The following RBFOX1 variants were observed in gnomAD, a reference collection of about 807,000 sequenced individuals.
RBFOX1 encodes the protein RNA binding protein fox-1 homolog 1.
Under a neutral mutation model 57.7 loss-of-function variants are expected in RBFOX1, and 8 were observed. The observed-to-expected ratio is 0.14, with a 90% CI of 0.08 to 0.25. The LOEUF (loss-of-function observed/expected upper bound fraction) is 0.25, where lower values mean the gene tolerates loss of function less well. Among genes scored for constraint, RBFOX1 ranks in the 10% least tolerant of loss-of-function variants. RBFOX1 has a pLI of 1.00. For synonymous variants in RBFOX1, 326 were observed against 222.4 expected (o/e 1.47, Z -4.15); for missense variants, 611 against 548.5 (o/e 1.11, Z -1.14).
At chr16:6,661,253 C>G (rs550081957) in intron 3 of RBFOX1, among the ~76,000 whole-genome samples, 1 of 152,286 alleles carries the variant, frequency 6.6e-6, no homozygotes, top group South Asian at 2.1e-4. Flanking sequence ...AAAGCTAACT[C>G]TCAGTGGGTT....
chr16:7,690,203 C>T (rs564311151), intron 14 of RBFOX1, among the ~76,000 whole-genome samples: 4 of 152,240 alleles, frequency 2.6e-5, no homozygotes, highest in Non-Finnish European at 5.9e-5. Context: ...GCAGAAACCT[C>T]AGGAATGGGC....
chr16:6,867,801 C>A (rs531273046), intron 3 of RBFOX1, among the ~76,000 whole-genome samples: 4 of 152,166 alleles, frequency 2.6e-5, no homozygotes, highest in Non-Finnish European at 4.4e-5. Flanking sequence ...CAGAACAAGT[C>A]CTGTTTATCC....
intron 4 of RBFOX1, among the ~76,000 whole-genome samples, chr16:5,952,759 T>C (rs971691133): frequency 6.6e-6 from 1 of 152,160 alleles, no homozygotes; most frequent in Non-Finnish European, 1.5e-5. Flanking sequence ...CAGAAATGAT[T>C]TGTGTGGGTG....
intron 1 of RBFOX1, among the ~76,000 whole-genome samples, chr16:6,172,321 A>C (rs2096967205): frequency 1.3e-5 from 2 of 152,186 alleles, no homozygotes; most frequent in African/African-American, 2.4e-5. Flanking sequence ...CTGGTGGGAA[A>C]GAAGGGAAAG....
At chr16:7,130,861 G>C (rs2070136762) in intron 4 of RBFOX1, among the ~76,000 whole-genome samples, 1 of 152,244 alleles carries the variant, frequency 6.6e-6, no homozygotes, top group South Asian at 2.1e-4. Context: ...AGGCAATCCT[G>C]GGGTGCCATC....
chr16:6,405,142 A>T (rs1596686900), intron 2 of RBFOX1, among the ~76,000 whole-genome samples: 2 of 152,168 alleles, frequency 1.3e-5, no homozygotes, highest in South Asian at 4.1e-4. Flanking sequence ...ACTCTATAAC[A>T]TAGAAATGTC....
intron 2 of RBFOX1, among the ~76,000 whole-genome samples, chr16:6,562,872 C>CTTTA (rs1319403281): frequency 4.1e-5 from 2 of 49,266 alleles, no homozygotes; most frequent in Non-Finnish European, 6.8e-5. Flanking sequence ...TTCTTTCTTT[C>CTTTA]TTTCTTTCTT....
At chr16:7,313,048 C>T (rs1024441413) in intron 4 of RBFOX1, among the ~76,000 whole-genome samples, 6 of 152,074 alleles carry the variant, frequency 3.9e-5, no homozygotes, top group African/African-American at 1.4e-4. Flanking sequence ...GTGTTCCCCA[C>T]TGCTGCTCTT....
chr16:5,935,327 A>G (rs2152255220), intron 4 of RBFOX1, among the ~76,000 whole-genome samples: 1 of 152,340 alleles, frequency 6.6e-6, no homozygotes, highest in Non-Finnish European at 1.5e-5. Flanking sequence ...ACATGGGGAC[A>G]CACGAGGATC....
chr16:7,072,894 G>A (rs1265637434), intron 4 of RBFOX1, among the ~76,000 whole-genome samples: 3 of 152,204 alleles, frequency 2.0e-5, no homozygotes, highest in African/African-American at 7.2e-5. Flanking sequence ...TGAGGAAGTA[G>A]CTGGAATTTG....
chr16:6,892,643 C>T (rs1228055439), intron 3 of RBFOX1, among the ~76,000 whole-genome samples: 1 of 152,038 alleles, frequency 6.6e-6, no homozygotes, highest in Non-Finnish European at 1.5e-5. Context: ...GTACTCCAGC[C>T]TGGGCAACAG....
At chr16:5,735,774 G>A (rs1258382484) in intron 3 of RBFOX1, among the ~76,000 whole-genome samples, 1 of 152,140 alleles carries the variant, frequency 6.6e-6, no homozygotes, top group Non-Finnish European at 1.5e-5. Context: ...TACTCTGGAG[G>A]CTGAAGCAGG....
chr16:6,970,287 C>T (rs541706240), intron 3 of RBFOX1, among the ~76,000 whole-genome samples: 2 of 152,156 alleles, frequency 1.3e-5, no homozygotes, highest in Non-Finnish European at 2.9e-5. Flanking sequence ...AATGACCCAA[C>T]AACATCATCA....
intron 2 of RBFOX1, among the ~76,000 whole-genome samples, chr16:5,588,569 C>A (rs1003950242): frequency 1.3e-5 from 2 of 152,140 alleles, no homozygotes; most frequent in Admixed American, 6.5e-5. Context: ...CTGACGTGGG[C>A]TGTTTTGTGT....
intron 4 of RBFOX1, among the ~76,000 whole-genome samples, chr16:5,869,567 A>C (rs1171508591): frequency 6.6e-6 from 1 of 151,958 alleles, no homozygotes; most frequent in East Asian, 1.9e-4. Flanking sequence ...ATGCCTAGCT[A>C]GTTTTTGTAT....
At chr16:6,690,839 T>G (rs1200947855) in intron 3 of RBFOX1, among the ~76,000 whole-genome samples, 1 of 150,890 alleles carries the variant, frequency 6.6e-6, no homozygotes, top group Non-Finnish European at 1.5e-5. Context: ...TTCCTCTAAA[T>G]TCACATTACT....
At chr16:7,363,317 T>G (rs2097366816) in intron 4 of RBFOX1, among the ~76,000 whole-genome samples, 1 of 152,174 alleles carries the variant, frequency 6.6e-6, no homozygotes, top group Admixed American at 6.5e-5. Flanking sequence ...ATCTAACTAC[T>G]TGTGTGTTAC....
intron 4 of RBFOX1, among the ~76,000 whole-genome samples, chr16:5,867,520 G>A (rs1352701380): frequency 6.6e-6 from 1 of 152,050 alleles, no homozygotes; most frequent in African/African-American, 2.4e-5. Context: ...TCACCGCACT[G>A]CTCTTCATGG....
intron 3 of RBFOX1, chr16:6,983,790 C>T (rs1163457819): frequency 1.3e-5 from 2 of 152,396 alleles, no homozygotes; most frequent in African/African-American, 4.8e-5. Context: ...GCATGCACTA[C>T]TTGTGCCTAG....
Sources: gnomAD v4.1 joint callset for allele counts (sites outside exome capture counted in the v4.1 genomes callset) on GRCh38, gnomAD v4.1.1 for gene constraint, MANE v1.5 for transcripts, NCBI Gene and HGNC (gene_info 2026-07-23, HGNC 2026-07-21) for gene names.